The following MAP7 variants were observed in gnomAD, a reference collection of about 807,000 sequenced individuals.
MAP7 encodes the protein ensconsin.
A neutral mutation model predicts 94.8 loss-of-function variants in MAP7; 52 were observed. The ratio of observed to expected loss-of-function variants is 0.55; its 90% CI spans 0.44 to 0.69. MAP7 has a LOEUF of 0.69. Among genes scored for constraint, MAP7 ranks in the 30% least tolerant of loss-of-function variants. The pLI is 0.00. For synonymous variants in MAP7, 350 were observed against 357.0 expected, an observed-to-expected ratio of 0.98 and a Z score of 0.22; for missense variants, 940 against 964.6, an observed-to-expected ratio of 0.97 and a Z score of 0.34.
intron 1 of MAP7, chr6:136,525,934 C>G: frequency 6.5e-7 from 1 of 1,533,778 alleles, no homozygotes; most frequent in African/African-American, 1.4e-5. Context: ...TTCAGTCTCT[C>G]ATGTCGGAGA....
intron 3 of MAP7, among the ~76,000 whole-genome samples, chr6:136,407,365 A>G (rs1785946678): frequency 6.6e-6 from 1 of 152,238 alleles, no homozygotes; most frequent in Non-Finnish European, 1.5e-5. Flanking sequence ...AAAACGTGAT[A>G]GTTATGCAAG....
At chr6:136,482,372 G>A (rs572395238) in intron 1 of MAP7, among the ~76,000 whole-genome samples, 14 of 152,314 alleles carry the variant, frequency 9.2e-5, no homozygotes, top group African/African-American at 3.1e-4. Flanking sequence ...GCCAAGGAGG[G>A]TGGATCACCT....
intron 1 of MAP7, among the ~76,000 whole-genome samples, chr6:136,538,785 C>T (rs1583161424): frequency 1.1e-5 from 1 of 91,716 alleles, no homozygotes; most frequent in Non-Finnish European, 1.9e-5. Flanking sequence ...AGCACCAGAG[C>T]AAGATTTTGT....
At chr6:136,414,506 G>T (rs1788709198) in intron 2 of MAP7, among the ~76,000 whole-genome samples, 1 of 151,990 alleles carries the variant, frequency 6.6e-6, no homozygotes, top group South Asian at 2.1e-4. Flanking sequence ...TTTGCTGAAA[G>T]AAAATGGTGG....
At chr6:136,364,237 C>A in intron 10 of MAP7, 3 of 542,962 alleles carry the variant, frequency 5.5e-6, no homozygotes, top group South Asian at 2.8e-5. Context: ...CTCATTAAAG[C>A]AGCTGGTGTA....
At chr6:136,412,636 T>C (rs1310916024) in intron 2 of MAP7, among the ~76,000 whole-genome samples, 2 of 151,812 alleles carry the variant, frequency 1.3e-5, no homozygotes, top group African/African-American at 4.8e-5. Context: ...CCAGAAACAA[T>C]AGGGAGATCT....
chr6:136,377,997 GC>G, intron 6 of MAP7, 129 bp from the exon 7 acceptor site: 1 of 589,610 alleles, frequency 1.7e-6, no homozygotes, highest in Non-Finnish European at 3.0e-6. Flanking sequence ...AGGATGGTTG[GC>G]CAAGAGTCAG....
At chr6:136,425,744 A>G (rs1041242754) in intron 1 of MAP7, among the ~76,000 whole-genome samples, 6 of 152,180 alleles carry the variant, frequency 3.9e-5, no homozygotes, top group African/African-American at 1.4e-4. Flanking sequence ...TGATTATTCC[A>G]CATAATGGAG....
At chr6:136,506,586 A>T (rs1821591506) in intron 1 of MAP7, among the ~76,000 whole-genome samples, 1 of 151,554 alleles carries the variant, frequency 6.6e-6, no homozygotes, top group African/African-American at 2.4e-5. Context: ...GCCCAGGTTG[A>T]TACTGGAACT....
intron 1 of MAP7, among the ~76,000 whole-genome samples, chr6:136,431,074 T>C (rs371432125): frequency 6.6e-6 from 1 of 152,194 alleles, no homozygotes; most frequent in Non-Finnish European, 1.5e-5. Context: ...ATGACATGTA[T>C]ATACCATGTA....
At chr6:136,411,491 A>G in intron 3 of MAP7, 129 bp downstream of exon 3, 1 of 749,746 alleles carries the variant, frequency 1.3e-6, no homozygotes, top group East Asian at 2.8e-5. Context: ...CCCTATGTTT[A>G]TATTTTATCA....
chr6:136,422,546 A>C (rs995610760), intron 1 of MAP7, among the ~76,000 whole-genome samples: 8 of 152,216 alleles, frequency 5.3e-5, no homozygotes, highest in Admixed American at 5.2e-4. Flanking sequence ...TATCGTCTGC[A>C]TGTTGGGAAT....
chr6:136,362,505 G>A lies in MAP7; in HGVS notation c.1471C>T (p.Arg491Ter), dbSNP rs1793117230. ...CTTTCTTCCTTTTCTCTCTGCTCTC[G>A]GGCCAGCCGCCTCTTCTCAGCTAGA... is the stretch of plus-strand genomic sequence containing the variant. The part of the protein sequence containing the change: ...RLLAEKRRLA[R>*]EQREKEERER... The change falls in exon 11 of 18, where the codon CGA becomes TGA. Residue 491 changes from arginine to a stop codon, truncating the protein, a stop_gained. Transcript: ENST00000354570. LOFTEE classifies it high-confidence loss of function. 1 of 1,613,966 alleles carries A rather than the reference G, an allele frequency of 6.2e-7. No homozygotes were observed. Among genetic ancestry groups the A allele is most frequent in the Non-Finnish European group, 8.5e-7 (1 of 1,180,010 alleles).
In MAP7 at chr6:136,363,713, G is replaced by A. The variant is rs9389384; in HGVS notation, c.1274-1011C>T. ...AATAGCATCTGGCTAGCCTGGCAGA[G>A]GTGAGAACCAGTGGGCCTTCTGGAA... On this transcript the variant is annotated intron_variant, in intron 10 of 17. Transcript: ENST00000354570. 7.7e-3 allele frequency among the ~76,000 whole-genome samples: 1,168 copies of A among 152,272 alleles called. 45 individuals are homozygous for A. In the East Asian group the frequency reaches 0.087, roughly 11 times the overall value.
chr6:136,359,680 G>A (rs1791970942), intron 15 of MAP7, 140 bp downstream of exon 15: 3 of 757,512 alleles, frequency 4.0e-6, no homozygotes, highest in East Asian at 5.0e-5. Context: ...GGAAGGACTC[G>A]ATGACAGACC....
intron 1 of MAP7, among the ~76,000 whole-genome samples, chr6:136,522,140 A>G (rs1258279137): frequency 6.6e-6 from 1 of 152,192 alleles, no homozygotes. Flanking sequence ...GACCTATCCA[A>G]GGGCATTTAG....
chr6:136,401,745 C>T (rs369125185), intron 3 of MAP7, among the ~76,000 whole-genome samples: 2 of 150,500 alleles, frequency 1.3e-5, no homozygotes, highest in South Asian at 2.1e-4. Context: ...CAAACTTGAA[C>T]GTTGTGCACA....
At chr6:136,380,022 A>C (rs1777303838) in intron 6 of MAP7, among the ~76,000 whole-genome samples, 1 of 152,152 alleles carries the variant, frequency 6.6e-6, no homozygotes, top group Non-Finnish European at 1.5e-5. Context: ...TTGTTTTGTT[A>C]GTTTGTTTTT....
intron 6 of MAP7, among the ~76,000 whole-genome samples, chr6:136,378,162 C>T (rs1309305293): frequency 6.6e-6 from 1 of 152,158 alleles, no homozygotes; most frequent in African/African-American, 2.4e-5. Context: ...ACAAAAAATA[C>T]CATTTCAGCT....
Sources: allele counts gnomAD v4.1 joint callset (sites outside exome capture counted in the v4.1 genomes callset), GRCh38; gene constraint gnomAD v4.1.1; transcripts MANE v1.5; gene names NCBI Gene and HGNC (gene_info 2026-07-23, HGNC 2026-07-21).